The following TNNI3K variants were observed in gnomAD, a reference collection of about 807,000 sequenced individuals.
TNNI3K encodes TNNI3 interacting kinase.
A neutral mutation model predicts 114.5 loss-of-function variants in TNNI3K; 140 were observed. The ratio of observed to expected loss-of-function variants is 1.22; its 90% CI spans 1.07 to 1.41. TNNI3K has a LOEUF of 1.41. Among genes scored for constraint, TNNI3K ranks in the 40% most tolerant of loss-of-function variants. The probability of loss-of-function intolerance (pLI) is 0.00; values close to 1 mark genes in which losing one functional copy is unlikely to be tolerated. For missense variants in TNNI3K, 1,125 were observed against 1,007.6 expected, an observed-to-expected ratio of 1.12 and a Z score of -1.58; for synonymous variants, 347 against 347.5, an observed-to-expected ratio of 1.00 and a Z score of 0.02.
At chr1:74,430,007 T>A (rs1665817124) in intron 17 of TNNI3K, among the ~76,000 whole-genome samples, 1 of 152,114 alleles carries the variant, frequency 6.6e-6, no homozygotes, top group Non-Finnish European at 1.5e-5. Context: ...TTTTTGTTAG[T>A]AACAACTGAC....
At chr1:74,238,409 A>G (rs1259409873) in intron 2 of TNNI3K, among the ~76,000 whole-genome samples, 1 of 152,080 alleles carries the variant, frequency 6.6e-6, no homozygotes, top group Non-Finnish European at 1.5e-5. Context: ...CCCAACCCAT[A>G]GTAAGCATTG....
chr1:74,498,581 G>C (rs1669453688), intron 23 of TNNI3K, among the ~76,000 whole-genome samples: 1 of 152,060 alleles, frequency 6.6e-6, no homozygotes, highest in Admixed American at 6.6e-5. Context: ...TAGTTAGGCT[G>C]TAAATACCAG....
chr1:74,543,836 C>A, intron 24 of TNNI3K, 70 bp from the exon 25 acceptor site: 1 of 1,585,046 alleles, frequency 6.3e-7, no homozygotes, highest in Non-Finnish European at 8.6e-7. Context: ...CTGGTTCAGG[C>A]TGGTTATAAA....
chr1:74,280,031 C>G (rs2100247676), intron 5 of TNNI3K, among the ~76,000 whole-genome samples: 1 of 117,442 alleles, frequency 8.5e-6, no homozygotes, highest in East Asian at 2.5e-4. Flanking sequence ...AAGAAAGCAC[C>G]TTCATAATAA....
intron 5 of TNNI3K, among the ~76,000 whole-genome samples, chr1:74,322,202 C>T (rs1264807949): frequency 6.6e-6 from 1 of 152,004 alleles, no homozygotes; most frequent in African/African-American, 2.4e-5. Flanking sequence ...GAGATTGACC[C>T]CAATGGAAAC....
At chr1:74,317,778 T>C (rs1257191508) in intron 5 of TNNI3K, among the ~76,000 whole-genome samples, 1 of 152,194 alleles carries the variant, frequency 6.6e-6, no homozygotes, top group East Asian at 1.9e-4. Context: ...AGTCTATCCC[T>C]GGACCTGTGT....
At chr1:74,302,988 C>G (rs981475227) in intron 5 of TNNI3K, among the ~76,000 whole-genome samples, 4 of 152,296 alleles carry the variant, frequency 2.6e-5, no homozygotes, top group Admixed American at 6.5e-5. Flanking sequence ...TGCCTGGATT[C>G]AAAGCTTCAG....
At chr1:74,283,762 A>T (rs1657154529) in intron 5 of TNNI3K, among the ~76,000 whole-genome samples, 1 of 152,190 alleles carries the variant, frequency 6.6e-6, no homozygotes, top group Non-Finnish European at 1.5e-5. Flanking sequence ...TCCTCTATAC[A>T]TATATATGTA....
At chr1:74,432,316 C>G (rs1359158158) in intron 17 of TNNI3K, among the ~76,000 whole-genome samples, 1 of 152,072 alleles carries the variant, frequency 6.6e-6, no homozygotes, top group Non-Finnish European at 1.5e-5. Flanking sequence ...TGAATATGCT[C>G]TGCAATATCA....
chr1:74,524,602 TTAATC>T (rs1216945002), intron 23 of TNNI3K, among the ~76,000 whole-genome samples: 1 of 152,220 alleles, frequency 6.6e-6, no homozygotes, highest in Non-Finnish European at 1.5e-5. Context: ...TGGGCATACT[TTAATC>T]TAATGTATTC....
intron 17 of TNNI3K, chr1:74,375,634 A>G (rs978789055): frequency 2.2e-6 from 1 of 454,214 alleles, no homozygotes; most frequent in Admixed American, 2.4e-5. Context: ...TCCTGGCCCC[A>G]GGAGACTGAC....
chr1:74,285,598 T>C (rs935948528), intron 5 of TNNI3K, among the ~76,000 whole-genome samples: 11 of 152,196 alleles, frequency 7.2e-5, no homozygotes, highest in African/African-American at 2.7e-4. Context: ...TTGATTATTT[T>C]ATTATACTCT....
chr1:74,330,434 C>A (rs1388501712), intron 5 of TNNI3K, among the ~76,000 whole-genome samples: 1 of 152,004 alleles, frequency 6.6e-6, no homozygotes, highest in African/African-American at 2.4e-5. Flanking sequence ...CATTAGTTTC[C>A]TCCATATATT....
intron 17 of TNNI3K, among the ~76,000 whole-genome samples, chr1:74,398,068 G>C (rs1187042302): frequency 3.9e-5 from 6 of 152,214 alleles, no homozygotes; most frequent in Non-Finnish European, 7.3e-5. Context: ...GGTAACCACA[G>C]TTCATGTAAA....
intron 23 of TNNI3K, among the ~76,000 whole-genome samples, chr1:74,513,327 G>C (rs1646291093): frequency 6.6e-6 from 1 of 152,222 alleles, no homozygotes; most frequent in Admixed American, 6.5e-5. Context: ...TGCACTAGGT[G>C]TTCTTATCAG....
At chr1:74,328,850 G>T (rs894346654) in intron 5 of TNNI3K, among the ~76,000 whole-genome samples, 4 of 152,036 alleles carry the variant, frequency 2.6e-5, no homozygotes, top group Admixed American at 6.6e-5. Context: ...AGTCCGTTTT[G>T]CATAAAAATT....
rs45601037 is a variant in TNNI3K, at chr1:74,238,079, A to C, written c.149+1869A>C. Among the ~76,000 whole-genome samples the C allele has an allele frequency of 9.4e-3, 1,434 of 152,148 alleles. 26 individuals carry two copies. The highest frequency in any genetic ancestry group is 0.033 in the African/African-American group (1,374 of 41,550). ...GATTTATTCATTGATTTTTGGAATC[A>C]TTGTAGATAAAAAGCATAGTTAAGT... On this transcript the variant is annotated intron_variant, in intron 2 of 24. Transcript: ENST00000326637.
chr1:74,378,937 A>G (rs1663060632), intron 17 of TNNI3K: 1 of 151,922 alleles, frequency 6.6e-6, no homozygotes, highest in African/African-American at 2.4e-5. Context: ...ATTTGCATGA[A>G]TCAGTTATAC....
intron 5 of TNNI3K, among the ~76,000 whole-genome samples, chr1:74,314,077 ATATG>A (rs1187551962): frequency 0.14 from 224 of 1,638 alleles, no homozygotes; most frequent in Middle Eastern, 0.25. Context: ...ATATATATAT[ATATG>A]TATATATATG....
Sources: gnomAD v4.1 joint callset for allele counts (sites outside exome capture counted in the v4.1 genomes callset) on GRCh38, gnomAD v4.1.1 for gene constraint, MANE v1.5 for transcripts, NCBI Gene and HGNC (gene_info 2026-07-23, HGNC 2026-07-21) for gene names.